HSD17B12: variants seen among roughly 807,000 people sequenced by gnomAD.
The protein encoded by HSD17B12 is hydroxysteroid 17-beta dehydrogenase 12, also known as very-long-chain 3-oxoacyl-CoA reductase.
Under a neutral mutation model 39.3 loss-of-function variants are expected in HSD17B12, and 32 were observed. The observed-to-expected ratio is 0.81, with a 90% CI of 0.61 to 1.09. HSD17B12 has a LOEUF of 1.09. HSD17B12 is among the 50% of genes least tolerant of loss of function. The pLI, the probability that HSD17B12 is intolerant of heterozygous loss-of-function variation, is 0.00. For synonymous variants in HSD17B12, 150 were observed against 146.7 expected (o/e 1.02, Z -0.16); for missense variants, 342 against 382.9 (o/e 0.89, Z 0.89).
chr11:43,671,423 C>T, the HSD17B12 span, among the ~76,000 whole-genome samples: 21 of 152,212 alleles, frequency 1.4e-4, no homozygotes, highest in African/African-American at 2.9e-4. Flanking sequence ...TCAGGTAATC[C>T]GCCAATTTTG....
intron 1 of HSD17B12, among the ~76,000 whole-genome samples, chr11:43,693,772 G>T (rs931135268): frequency 6.6e-6 from 1 of 152,156 alleles, no homozygotes; most frequent in African/African-American, 2.4e-5. Flanking sequence ...GTAATGACTG[G>T]CATTAACTGC....
chr11:43,634,954 G>T, the HSD17B12 span, among the ~76,000 whole-genome samples: 8 of 152,152 alleles, frequency 5.3e-5, no homozygotes, highest in African/African-American at 1.9e-4. Flanking sequence ...ATAACTGTTA[G>T]CTTTGTTGGT....
At chr11:43,775,758 CT>C (rs1565084547) in intron 3 of HSD17B12, among the ~76,000 whole-genome samples, 1 of 142,764 alleles carries the variant, frequency 7.0e-6, no homozygotes, top group African/African-American at 2.6e-5. Context: ...TCCCTCCCCC[CT>C]CCCCCGATCC....
the HSD17B12 span, among the ~76,000 whole-genome samples, chr11:43,608,495 CA>C: frequency 6.6e-6 from 1 of 152,162 alleles, no homozygotes; most frequent in Non-Finnish European, 1.5e-5. Flanking sequence ...CCAGAGCTAA[CA>C]TCTTATTGTG....
chr11:43,587,594 T>G, the HSD17B12 span, among the ~76,000 whole-genome samples: 1 of 152,202 alleles, frequency 6.6e-6, no homozygotes, highest in African/African-American at 2.4e-5. Context: ...CTAGAATAAA[T>G]GCTGAACAGC....
the HSD17B12 span, among the ~76,000 whole-genome samples, chr11:43,591,840 A>G: frequency 6.6e-6 from 1 of 152,094 alleles, no homozygotes; most frequent in Non-Finnish European, 1.5e-5. Flanking sequence ...ATTTATGACT[A>G]TAAAACATTA....
At chr11:43,846,311 T>C (rs139160542) in intron 9 of HSD17B12, among the ~76,000 whole-genome samples, 1 of 152,364 alleles carries the variant, frequency 6.6e-6, no homozygotes, top group Non-Finnish European at 1.5e-5. Flanking sequence ...ACCTCATTTG[T>C]CAACTCATTT....
intron 1 of HSD17B12, among the ~76,000 whole-genome samples, chr11:43,700,616 T>G (rs2134807157): frequency 6.6e-6 from 1 of 152,322 alleles, no homozygotes; most frequent in East Asian, 1.9e-4. Context: ...CTTATTTCAC[T>G]TGATACATGA....
chr11:43,795,882 A>G (rs1950911789), intron 3 of HSD17B12, among the ~76,000 whole-genome samples: 1 of 152,152 alleles, frequency 6.6e-6, no homozygotes, highest in South Asian at 2.1e-4. Flanking sequence ...AATGGGATAA[A>G]ATAAAGCAGG....
intron 7 of HSD17B12, chr11:43,833,845 A>G (rs1329574579): frequency 4.6e-5 from 7 of 152,182 alleles, no homozygotes; most frequent in Non-Finnish European, 8.8e-5. Flanking sequence ...ACAAATACCT[A>G]TAATCAAACT....
At chr11:43,616,432 A>AAAAAAAAAAAAAAAAAAAT in the HSD17B12 span, among the ~76,000 whole-genome samples, 1 of 150,826 alleles carries the variant, frequency 6.6e-6, no homozygotes, top group Non-Finnish European at 1.5e-5. Context: ...AAACAAAAAA[A>AAAAAAAAAAAAAAAAAAAT]AAACAAACAA....
chr11:43,848,649 C>G (rs558669179), intron 9 of HSD17B12: 1 of 152,322 alleles, frequency 6.6e-6, no homozygotes. Flanking sequence ...TCTATAGCCT[C>G]TAATTACAGA....
intron 1 of HSD17B12, among the ~76,000 whole-genome samples, chr11:43,748,443 G>T (rs1051937162): frequency 2.0e-5 from 3 of 152,070 alleles, no homozygotes; most frequent in African/African-American, 7.2e-5. Context: ...GCAAACAGTA[G>T]ACACTGTGGT....
At chr11:43,757,655 A>C (rs947064410) in intron 3 of HSD17B12, among the ~76,000 whole-genome samples, 2 of 143,050 alleles carry the variant, frequency 1.4e-5, no homozygotes, top group South Asian at 2.2e-4. Context: ...AAAAAAAAAA[A>C]AAAAAAAAAA....
the HSD17B12 span, among the ~76,000 whole-genome samples, chr11:43,590,506 ATTTTTT>A: frequency 3.9e-5 from 2 of 51,610 alleles, no homozygotes; most frequent in Admixed American, 3.5e-4. Flanking sequence ...GGAGTGAGTG[ATTTTTT>A]TTTTTTTTTT....
the HSD17B12 span, among the ~76,000 whole-genome samples, chr11:43,624,354 A>G: frequency 1.3e-5 from 2 of 151,956 alleles, no homozygotes; most frequent in Non-Finnish European, 2.9e-5. Flanking sequence ...CCTATGTCCA[A>G]TAAATAAATA....
At chr11:43,707,535 T>C (rs548222539) in intron 1 of HSD17B12, among the ~76,000 whole-genome samples, 35 of 152,232 alleles carry the variant, frequency 2.3e-4, no homozygotes, top group Admixed American at 5.9e-4. Context: ...TTCTGAGAGA[T>C]AGTCACAATT....
chr11:43,664,128 C>T, the HSD17B12 span, among the ~76,000 whole-genome samples: 3 of 152,230 alleles, frequency 2.0e-5, no homozygotes, highest in East Asian at 5.8e-4. Flanking sequence ...GGATTACAGG[C>T]TTGAGCCACT....
At chr11:43,758,977 C>A (rs1360703361) in intron 3 of HSD17B12, among the ~76,000 whole-genome samples, 3 of 152,198 alleles carry the variant, frequency 2.0e-5, no homozygotes, top group African/African-American at 7.2e-5. Context: ...GATCCTACTC[C>A]TGAAACTAAT....
Sources: gnomAD v4.1 joint callset for allele counts (sites outside exome capture counted in the v4.1 genomes callset) on GRCh38, gnomAD v4.1.1 for gene constraint, MANE v1.5 for transcripts, NCBI Gene and HGNC (gene_info 2026-07-23, HGNC 2026-07-21) for gene names.